Variants in ABHD4 observed in about 807,000 individuals in gnomAD.
The protein encoded by ABHD4 is (Lyso)-N-acylphosphatidylethanolamine lipase.
ABHD4 carries 35 observed loss-of-function variants against 42.3 expected under a neutral mutation model. That is an observed-to-expected ratio of 0.83 (90% CI 0.63 to 1.10). The LOEUF is 1.10. ABHD4 is among the 50% of genes least tolerant of loss of function. The probability of loss-of-function intolerance (pLI) is 0.00; values close to 1 mark genes in which losing one functional copy is unlikely to be tolerated. For missense variants in ABHD4, 389 were observed against 454.8 expected (o/e 0.86, Z 1.32); for synonymous variants, 169 against 170.6 (o/e 0.99, Z 0.07).
At position 22,601,753 on chromosome 14, in the gene ABHD4, A is replaced by G. The variant is rs780408635; in HGVS notation, c.110A>G (p.Gln37Arg). ...AAGAATGTGGAAGCCAGGATCCTCC[A>G]GTGTAAGTAGAATGGACAGCTTGTC... ...QLKNVEARILQCLQNKFLARY... is the reference protein window; with the variant it reads ...QLKNVEARILRCLQNKFLARY... The change falls in exon 2 of 7, where the codon CAG becomes CGG. Residue 37 changes from glutamine (Q) to arginine (R), a missense_variant and splice_region_variant. Physicochemically the swap from Gln to Arg is conservative, Grantham distance 43. Coordinates refer to ENST00000428304, the MANE Select transcript of ABHD4 (RefSeq NM_022060.3). 11 of 1,614,020 alleles carry G rather than the reference A, an allele frequency of 6.8e-6. No individual in the cohort carries two copies. The South Asian group carries it at 1.2e-4, about 18-fold the overall frequency.
In ABHD4 at chr14:22,611,013, C is replaced by A; in HGVS notation, c.*65C>A. ...ACTCTTACCTCCCTGTCTGCTTACT[C>A]ACCCACTCTGTCCTTTCCTCACCAA... On this transcript the variant is annotated 3_prime_UTR_variant, in exon 7 of 7. Transcript: ENST00000428304. The A allele has an allele frequency of 7.0e-7, 1 of 1,428,668 alleles. No homozygotes were observed. The allele number at this position is 1,428,668 out of a possible 1,614,324, so 88.5% of individuals were successfully genotyped here.
chr14:22,608,322 A>G (rs1453765312), intron 5 of ABHD4, among the ~76,000 whole-genome samples: 1 of 152,192 alleles, frequency 6.6e-6, no homozygotes, highest in Non-Finnish European at 1.5e-5. Context: ...AGTGTCCCCA[A>G]CCTGCCCTAT....
chr14:22,598,589 C>A, intron 1 of ABHD4: 1 of 906,950 alleles, frequency 1.1e-6, no homozygotes, highest in Non-Finnish European at 1.7e-6. Context: ...CTCGCGAGTG[C>A]CCCTCATTCT....
rs72677597 is a variant in ABHD4, at chr14:22,609,904, A to T, written c.933A>T (p.Arg311=). The T allele has an allele frequency of 0.061, 99,138 of 1,613,610 alleles. 5,143 individuals carry two copies. The highest frequency in any genetic ancestry group is 0.27 in the African/African-American group (20,021 of 74,816). The change falls in exon 6 of 7, where the codon CGA becomes CGT. Residue 311 remains arginine, a synonymous_variant. Coordinates refer to ENST00000428304, the MANE Select transcript of ABHD4 (RefSeq NM_022060.3). ...TGCAGCGGCCGGATTCCTATGTCCG[A>T]GACATGGTATGTTGCACCACCCAAG... ...VKMQRPDSYV[R]DMEIKGASHH...
intron 1 of ABHD4, chr14:22,598,550 C>A: frequency 1.5e-6 from 2 of 1,354,132 alleles, no homozygotes; most frequent in Non-Finnish European, 2.0e-6. Context: ...TCGCCCGCAG[C>A]CCGGGGATCC....
At chr14:22,600,716 T>C in intron 1 of ABHD4, among the ~76,000 whole-genome samples, 1 of 152,198 alleles carries the variant, frequency 6.6e-6, no homozygotes, top group Non-Finnish European at 1.5e-5. Flanking sequence ...ATCTCATTTG[T>C]ACTGGGCATC....
At position 22,609,903 on chromosome 14, in the gene ABHD4, G is replaced by A. The variant is rs376211452; in HGVS notation, c.932G>A (p.Arg311Gln). 1.5e-4 allele frequency: 235 copies of A among 1,613,692 alleles called. No individual in the cohort carries two copies. The highest frequency in any genetic ancestry group is 1.9e-4 in the Non-Finnish European group (224 of 1,179,930). ...ATGCAGCGGCCGGATTCCTATGTCC[G>A]AGACATGGTATGTTGCACCACCCAA... ...VKMQRPDSYVRDMEIKGASHH... is the reference protein window; with the variant it reads ...VKMQRPDSYVQDMEIKGASHH... Residue 311 changes from arginine (R) to glutamine (Q), a missense_variant, in exon 6 of 7, where the codon CGA (arginine) becomes CAA (glutamine). Around this residue, in one of 3 missense-constraint regions of ABHD4, gnomAD observed 249 missense variants for 254.4 expected, o/e 0.98. Coordinates refer to ENST00000428304, the MANE Select transcript of ABHD4 (RefSeq NM_022060.3).
chr14:22,605,668 T>C (rs1321185965), intron 4 of ABHD4: 1 of 438,564 alleles, frequency 2.3e-6, no homozygotes, highest in African/African-American at 2.0e-5. Context: ...CTATCATAGT[T>C]GGGGAAGTTG....
Position 22,611,365 on chromosome 14 carries a change from T to G in ABHD4, c.*417T>G. 5.6e-6 allele frequency: 1 copy of G among 179,782 alleles called. No homozygotes were observed. The allele number at this position is 179,782 out of a possible 1,614,324, so 11.1% of individuals were successfully genotyped here. On this transcript the variant is annotated 3_prime_UTR_variant, in exon 7 of 7. Transcript: ENST00000428304. ...GGGATAGGTTCCATGCAAGAACACC[T>G]TCCTCCTCCATCCCCCACTTCACCC...
intron 1 of ABHD4, among the ~76,000 whole-genome samples, chr14:22,599,448 C>T (rs968459016): frequency 1.3e-5 from 2 of 152,158 alleles, no homozygotes; most frequent in Non-Finnish European, 2.9e-5. Flanking sequence ...TGACAGAGAC[C>T]GTCCTAGCCA....
chr14:22,607,323 C>G (rs912797213), intron 5 of ABHD4, among the ~76,000 whole-genome samples: 6 of 152,052 alleles, frequency 3.9e-5, no homozygotes, highest in Admixed American at 1.3e-4. Context: ...TGTGGAAGTG[C>G]CCTGTGACTG....
chr14:22,599,068 C>G (rs541120763), intron 1 of ABHD4: 2 of 152,444 alleles, frequency 1.3e-5, no homozygotes, highest in East Asian at 3.9e-4. Context: ...CAGCTCCCAG[C>G]CGAGCCTTGG....
intron 4 of ABHD4, among the ~76,000 whole-genome samples, chr14:22,604,538 C>T (rs532450051): frequency 3.4e-5 from 5 of 148,004 alleles, no homozygotes; most frequent in Admixed American, 6.8e-5. Context: ...TGAGCCACCG[C>T]GCCTGGCCTG....
In ABHD4 at chr14:22,610,907, T is replaced by G. The variant is rs2037407865; in HGVS notation, c.988T>G (p.Phe330Val). Residue 330 changes from phenylalanine (F) to valine (V), a missense_variant, in exon 7 of 7, where the codon TTC (phenylalanine) becomes GTC (valine). Coordinates refer to ENST00000428304, the MANE Select transcript of ABHD4 (RefSeq NM_022060.3). ...HHVYADQPHI[F>V]NAVVEEICDS... ...TGTCTATGCTGACCAGCCACACATC[T>G]TCAATGCTGTGGTGGAGGAGATCTG... 8 of 1,614,146 alleles carry G rather than the reference T, an allele frequency of 5.0e-6. No homozygotes were observed. Among genetic ancestry groups the G allele is most frequent in the Non-Finnish European group, 6.8e-6 (8 of 1,180,020 alleles).
chr14:22,610,273 T>C (rs2037397579), intron 6 of ABHD4, among the ~76,000 whole-genome samples: 2 of 152,184 alleles, frequency 1.3e-5, no homozygotes, highest in Admixed American at 1.3e-4. Context: ...GTCAGGCTGG[T>C]CTCGAACTCC....
At chr14:22,606,997 C>T (rs2037357287) in intron 5 of ABHD4, among the ~76,000 whole-genome samples, 1 of 152,162 alleles carries the variant, frequency 6.6e-6, no homozygotes. Context: ...TAACATAGCA[C>T]ATGTACCATT....
Position 22,606,411 on chromosome 14 carries a change from T to G in ABHD4, c.641-11T>G, listed in dbSNP as rs775341847. ...AAATTGGCCTGTCTGTGTTTTTCTA[T>G]CCCCTCCCAGGGCCTGGTCTGGTGC... On this transcript the variant is annotated splice_polypyrimidine_tract_variant and intron_variant, in intron 4 of 6. Coordinates refer to ENST00000428304, the MANE Select transcript of ABHD4 (RefSeq NM_022060.3). The G allele has an allele frequency of 6.2e-7, 1 of 1,603,986 alleles. No individual in the cohort carries two copies. Among genetic ancestry groups the G allele is most frequent in the Non-Finnish European group, 8.5e-7 (1 of 1,174,606 alleles).
intron 5 of ABHD4, 45 bp downstream of exon 5, chr14:22,606,578 G>C (rs1450647555): frequency 7.4e-7 from 1 of 1,346,278 alleles, no homozygotes; most frequent in Non-Finnish European, 1.1e-6. Context: ...CAGTTGTTAG[G>C]AGATAAAACT....
At chr14:22,603,892 A>G in intron 3 of ABHD4, 33 bp from the exon 4 acceptor site, 1 of 1,610,650 alleles carries the variant, frequency 6.2e-7, no homozygotes, top group Non-Finnish European at 8.5e-7. Context: ...AGAGAATATA[A>G]TGTGTCTTCT....
Sources: allele counts gnomAD v4.1 joint callset (sites outside exome capture counted in the v4.1 genomes callset), GRCh38; gene constraint gnomAD v4.1.1; regional missense constraint gnomAD v4.1.1; transcripts MANE v1.5; gene names NCBI Gene and HGNC (gene_info 2026-07-23, HGNC 2026-07-21).